The following C10orf90 variants were observed in gnomAD, a reference collection of about 807,000 sequenced individuals.
The protein encoded by C10orf90 is (E2-independent) E3 ubiquitin-conjugating enzyme FATS.
Under a neutral mutation model 62.5 loss-of-function variants are expected in C10orf90, and 56 were observed. The ratio of observed to expected loss-of-function variants is 0.90; its 90% CI spans 0.72 to 1.12. The LOEUF (loss-of-function observed/expected upper bound fraction) is 1.12, where lower values mean the gene tolerates loss of function less well. Among genes scored for constraint, C10orf90 ranks in the 50% most tolerant of loss-of-function variants. The pLI is 0.00. For missense variants in C10orf90, 970 were observed against 880.4 expected, an observed-to-expected ratio of 1.10 and a Z score of -1.29; for synonymous variants, 386 against 340.4, an observed-to-expected ratio of 1.13 and a Z score of -1.47.
intron 1 of C10orf90, among the ~76,000 whole-genome samples, chr10:126,651,764 TC>T (rs1159624792): frequency 6.6e-6 from 1 of 152,170 alleles, no homozygotes; most frequent in Non-Finnish European, 1.5e-5. Context: ...AGAGGAGACA[TC>T]CCAAGTCTAC....
chr10:126,521,825 T>C (rs1479396580), intron 2 of C10orf90, among the ~76,000 whole-genome samples: 1 of 152,238 alleles, frequency 6.6e-6, no homozygotes, highest in Non-Finnish European at 1.5e-5. Context: ...CACTAAATTA[T>C]AATGAGCATT....
intron 5 of C10orf90, among the ~76,000 whole-genome samples, chr10:126,463,541 C>T (rs79025435): frequency 0.03 from 4,560 of 152,256 alleles, 241 homozygotes; most frequent in African/African-American, 0.1. Flanking sequence ...CCACTGCCAC[C>T]CCCACAACCC....
chr10:126,543,094 T>G (rs1374637338), intron 2 of C10orf90, among the ~76,000 whole-genome samples: 2 of 152,224 alleles, frequency 1.3e-5, no homozygotes, highest in East Asian at 3.8e-4. Flanking sequence ...AAATTACATA[T>G]ATGTGTTTCG....
At chr10:126,626,277 G>A (rs911161565) in intron 2 of C10orf90, among the ~76,000 whole-genome samples, 3 of 152,172 alleles carry the variant, frequency 2.0e-5, no homozygotes, top group Non-Finnish European at 4.4e-5. Context: ...ACCCCCTCAG[G>A]ACAGAAGCAT....
At position 126,453,842 on chromosome 10, in the gene C10orf90, C is replaced by G. The variant is rs577141615; in HGVS notation, c.2188+5198G>C. Among the ~76,000 whole-genome samples, 2 of 152,200 alleles carry G rather than the reference C, an allele frequency of 1.3e-5. No individual in the cohort carries two copies. The highest frequency in any genetic ancestry group is 3.9e-4 in the East Asian group (2 of 5,172). On this transcript the variant is annotated intron_variant, in intron 7 of 9. Transcript: ENST00000488181. This position sits in a 1 kb window ranked among gnomAD's most constrained non-coding sequence, Gnocchi z 4.9. ...GATTTTATAGCACAGAGAGGAGGAA[C>G]AGACAGGCTTCTCTCAGGTGGTTTG...
intron 4 of C10orf90, chr10:126,469,832 T>C (rs1187462836): frequency 4.4e-6 from 2 of 456,268 alleles, no homozygotes; most frequent in Non-Finnish European, 8.8e-6. Flanking sequence ...CTTGGGTGTC[T>C]GTTGAACACC....
intron 4 of C10orf90, among the ~76,000 whole-genome samples, chr10:126,498,616 C>T (rs575723922): frequency 3.9e-4 from 59 of 152,294 alleles, no homozygotes; most frequent in Non-Finnish European, 6.6e-4. Context: ...CTCAGATCTC[C>T]CTTCAGGAAA....
chr10:126,551,831 A>G (rs11816642), intron 2 of C10orf90, among the ~76,000 whole-genome samples: 39,873 of 152,200 alleles, frequency 0.26, 5,652 homozygotes, highest in East Asian at 0.39. Flanking sequence ...CTGCAGAATA[A>G]CAAAGTAGCA....
At chr10:126,526,448 G>T (rs538256435) in intron 2 of C10orf90, among the ~76,000 whole-genome samples, 1 of 152,110 alleles carries the variant, frequency 6.6e-6, no homozygotes, top group South Asian at 2.1e-4. Context: ...GTTTCACCGT[G>T]TTAGCCAGGA....
chr10:126,616,369 G>A (rs1845541496), intron 2 of C10orf90, among the ~76,000 whole-genome samples: 1 of 152,204 alleles, frequency 6.6e-6, no homozygotes, highest in South Asian at 2.1e-4. Flanking sequence ...AGGATTTGAT[G>A]AGCATAAAGG....
intron 4 of C10orf90, chr10:126,502,745 T>G (rs561393823): frequency 2.0e-6 from 1 of 500,468 alleles, no homozygotes; most frequent in East Asian, 5.8e-5. Context: ...GAAGACGAAG[T>G]GCTTAGCTTG....
At chr10:126,491,027 A>T (rs2133838098) in intron 4 of C10orf90, among the ~76,000 whole-genome samples, 1 of 152,316 alleles carries the variant, frequency 6.6e-6, no homozygotes, top group South Asian at 2.1e-4. Context: ...GTAAGCAGAA[A>T]AGCTGGAAAG....
chr10:126,479,356 A>G (rs572348309), intron 4 of C10orf90, among the ~76,000 whole-genome samples: 1 of 152,308 alleles, frequency 6.6e-6, no homozygotes, highest in South Asian at 2.1e-4. Flanking sequence ...TCACACTGGT[A>G]TACACTTTGG....
chr10:126,521,491 T>A, intron 2 of C10orf90: 1 of 1,440,094 alleles, frequency 6.9e-7, no homozygotes, highest in East Asian at 2.5e-5. Context: ...CAAAGCTCTA[T>A]ATGTAATGAA....
At chr10:126,565,128 A>T (rs1844318344) in intron 2 of C10orf90, among the ~76,000 whole-genome samples, 14 of 41,406 alleles carry the variant, frequency 3.4e-4, no homozygotes, top group African/African-American at 1.0e-3. Flanking sequence ...TATAATATAT[A>T]ATATAAATAT....
intron 2 of C10orf90, among the ~76,000 whole-genome samples, chr10:126,518,416 C>T (rs190715439): frequency 4.6e-5 from 7 of 152,054 alleles, no homozygotes; most frequent in Admixed American, 4.6e-4. Flanking sequence ...AGTCTGAAGC[C>T]CCAGAAGAGA....
chr10:126,513,953 G>T lies in C10orf90; in HGVS notation c.314-14C>A, dbSNP rs774727802. ...TGTCCCGTAATCCTAGGCAAAAGAA[G>T]ATAATATTGCTACTTTTTAGTATAT... On this transcript the variant is annotated splice_polypyrimidine_tract_variant and intron_variant, in intron 2 of 9. Coordinates refer to ENST00000488181, the MANE Select transcript of C10orf90 (RefSeq NM_001350921.2). 1 of 1,565,426 alleles carries T rather than the reference G, an allele frequency of 6.4e-7. No individual in the cohort carries two copies. The highest frequency in any genetic ancestry group is 8.8e-7 in the Non-Finnish European group (1 of 1,140,378).
chr10:126,630,145 G>C (rs1023739682), intron 2 of C10orf90, among the ~76,000 whole-genome samples: 1 of 152,148 alleles, frequency 6.6e-6, no homozygotes, highest in African/African-American at 2.4e-5. Flanking sequence ...TGTGATGCAG[G>C]GACTATAACT....
At chr10:126,515,209 C>A (rs1442461031) in intron 2 of C10orf90, among the ~76,000 whole-genome samples, 1 of 152,138 alleles carries the variant, frequency 6.6e-6, no homozygotes, top group Non-Finnish European at 1.5e-5. Flanking sequence ...ACGCTGTAGC[C>A]ATCAGAACGT....
Sources: allele counts gnomAD v4.1 joint callset (sites outside exome capture counted in the v4.1 genomes callset), GRCh38; gene constraint gnomAD v4.1.1; non-coding constraint Gnocchi (gnomAD v3.1); transcripts MANE v1.5; gene names NCBI Gene and HGNC (gene_info 2026-07-23, HGNC 2026-07-21).